OTUD7A: variants seen among roughly 807,000 people sequenced by gnomAD.
OTUD7A encodes the protein OTU domain-containing protein 7A.
OTUD7A carries 12 observed loss-of-function variants against 65.7 expected under a neutral mutation model. The observed-to-expected ratio is 0.18, with a 90% confidence interval of 0.12 to 0.30. The LOEUF is 0.30. Ranked by LOEUF, OTUD7A falls within the 10% of genes least tolerant of loss-of-function variation. The probability of loss-of-function intolerance (pLI) is 1.00; values close to 1 mark genes in which losing one functional copy is unlikely to be tolerated. For synonymous variants in OTUD7A, 641 were observed against 586.3 expected (o/e 1.09, Z -1.35); for missense variants, 1,148 against 1,304.8 (o/e 0.88, Z 1.85).
At chr15:31,506,787 T>A (rs562353643) in intron 8 of OTUD7A, among the ~76,000 whole-genome samples, 40 of 152,338 alleles carry the variant, frequency 2.6e-4, no homozygotes, top group Admixed American at 1.4e-3. Context: ...CAAGCTGGAT[T>A]GTCCTCAGGG....
intron 1 of OTUD7A, among the ~76,000 whole-genome samples, chr15:31,820,470 T>G (rs921682379): frequency 6.6e-6 from 1 of 152,238 alleles, no homozygotes; most frequent in East Asian, 1.9e-4. Flanking sequence ...CTGACATTGA[T>G]GCAATCGTTA....
At chr15:31,729,450 C>T (rs1236027492) in intron 1 of OTUD7A, among the ~76,000 whole-genome samples, 1 of 152,172 alleles carries the variant, frequency 6.6e-6, no homozygotes. Flanking sequence ...GTTATGGCCA[C>T]AGTCACATTA....
chr15:31,492,969 G>T (rs775436618), intron 10 of OTUD7A, among the ~76,000 whole-genome samples: 3 of 152,134 alleles, frequency 2.0e-5, no homozygotes, highest in Non-Finnish European at 4.4e-5. Context: ...ACTTTGGGAG[G>T]CTGAGATGGG....
intron 1 of OTUD7A, among the ~76,000 whole-genome samples, chr15:31,816,234 G>A (rs987159942): frequency 6.6e-6 from 1 of 152,148 alleles, no homozygotes; most frequent in Non-Finnish European, 1.5e-5. Context: ...GGGCCCACAG[G>A]TACACATGCA....
intron 1 of OTUD7A, among the ~76,000 whole-genome samples, chr15:31,683,912 T>C (rs1431268069): frequency 6.6e-6 from 1 of 152,188 alleles, no homozygotes; most frequent in African/African-American, 2.4e-5. Flanking sequence ...AGAAAGAAAC[T>C]GCATTCTTAA....
chr15:31,591,117 G>A (rs1398213671), intron 3 of OTUD7A, among the ~76,000 whole-genome samples: 3 of 152,082 alleles, frequency 2.0e-5, no homozygotes, highest in Non-Finnish European at 4.4e-5. Flanking sequence ...TCCCGGGAGA[G>A]GAAGAGGGAG....
rs551023943 is a variant in OTUD7A, at chr15:31,549,091, G to A, written c.550+9878C>T. 8.0e-5 allele frequency among the ~76,000 whole-genome samples: 12 copies of A among 149,190 alleles called. No homozygotes were observed. In the East Asian group the frequency reaches 1.6e-3, roughly 20 times the overall value. ...ACACAGGCTGGAGTGAGCTGACATC[G>A]TGCCACTGCACTCCAGCCTGGGAGA... On this transcript the variant is annotated intron_variant, in intron 5 of 12. Transcript: ENST00000307050.
chr15:31,638,557 T>G (rs1452206851), intron 3 of OTUD7A, among the ~76,000 whole-genome samples: 2 of 141,408 alleles, frequency 1.4e-5, no homozygotes, highest in Admixed American at 7.3e-5. Flanking sequence ...TTTTTGTAGG[T>G]TTTTGTTTTT....
In OTUD7A at chr15:31,667,036, T is replaced by C. The variant is rs1240688701; in HGVS notation, c.-99-9959A>G. ...TTTTCTTATATTTACTGAGGCTCAT[T>C]TTGAGGCCTATCATATGGTCTACCT... is the stretch of plus-strand genomic sequence containing the variant. On this transcript the variant is annotated intron_variant, in intron 1 of 12. Transcript: ENST00000307050. 3.3e-5 allele frequency among the ~76,000 whole-genome samples: 5 copies of C among 152,156 alleles called. No individual in the cohort carries two copies. In the East Asian group the frequency reaches 9.6e-4, roughly 29 times the overall value.
intron 1 of OTUD7A, among the ~76,000 whole-genome samples, chr15:31,719,796 C>T (rs2654034): frequency 6.6e-6 from 1 of 152,120 alleles, no homozygotes; most frequent in African/African-American, 2.4e-5. Flanking sequence ...TGATGTGATA[C>T]CCTGTTCCTC....
intron 12 of OTUD7A, among the ~76,000 whole-genome samples, chr15:31,486,712 C>T (rs1465953410): frequency 6.6e-6 from 1 of 152,200 alleles, no homozygotes; most frequent in Non-Finnish European, 1.5e-5. Flanking sequence ...AGGAAGGGGG[C>T]GCCGAGGAAT....
chr15:31,751,672 A>G (rs1313563183), intron 1 of OTUD7A, among the ~76,000 whole-genome samples: 1 of 152,240 alleles, frequency 6.6e-6, no homozygotes, highest in African/African-American at 2.4e-5. Context: ...CTAGATGCCC[A>G]TCAGTGATGG....
intron 1 of OTUD7A, among the ~76,000 whole-genome samples, chr15:31,763,022 C>T (rs1030416168): frequency 6.6e-6 from 1 of 152,154 alleles, no homozygotes; most frequent in Non-Finnish European, 1.5e-5. Flanking sequence ...GTGGCTCACG[C>T]CTGTAATCCC....
At chr15:31,814,015 A>C (rs768316611) in intron 1 of OTUD7A, among the ~76,000 whole-genome samples, 6 of 152,220 alleles carry the variant, frequency 3.9e-5, no homozygotes, top group Non-Finnish European at 8.8e-5. Flanking sequence ...TAAAAAAAGA[A>C]ACGGTGAGAG....
chr15:31,775,177 C>T (rs942434720), intron 1 of OTUD7A, among the ~76,000 whole-genome samples: 8 of 151,966 alleles, frequency 5.3e-5, no homozygotes, highest in South Asian at 2.1e-4. Context: ...ACTTTGACTA[C>T]GCTAATCATC....
chr15:31,584,366 C>T (rs1044145342), intron 3 of OTUD7A, among the ~76,000 whole-genome samples: 2 of 152,144 alleles, frequency 1.3e-5, no homozygotes, highest in Non-Finnish European at 1.5e-5. Context: ...TGGATGGGAT[C>T]CTGAGAACAC....
Position 31,532,890 on chromosome 15 carries a change from C to T in OTUD7A, c.551-2082G>A, listed in dbSNP as rs143058005. ...TGGAGCTTGTAGGGAGCCGAAATCG[C>T]GCCACTGCACTTAGGCCTGGGTGAA... On this transcript the variant is annotated intron_variant, in intron 5 of 12. Coordinates refer to ENST00000307050, the MANE Select transcript of OTUD7A (RefSeq NM_001382637.1). Among the ~76,000 whole-genome samples the T allele has an allele frequency of 3.3e-3, 490 of 147,160 alleles. 4 individuals are homozygous for T. Among genetic ancestry groups the T allele is most frequent in the African/African-American group, 0.012 (468 of 39,608 alleles).
chr15:31,777,320 T>A (rs1455606577), intron 1 of OTUD7A, among the ~76,000 whole-genome samples: 1 of 152,046 alleles, frequency 6.6e-6, no homozygotes, highest in Non-Finnish European at 1.5e-5. Context: ...ACCTTGGGGG[T>A]TAGGTTGAGA....
At chr15:31,520,491 A>C (rs1206616626) in intron 8 of OTUD7A, among the ~76,000 whole-genome samples, 1 of 152,230 alleles carries the variant, frequency 6.6e-6, no homozygotes, top group Non-Finnish European at 1.5e-5. Flanking sequence ...CCATATATAA[A>C]AATTAACTCA....
Sources: allele counts gnomAD v4.1 joint callset (sites outside exome capture counted in the v4.1 genomes callset), GRCh38; gene constraint gnomAD v4.1.1; transcripts MANE v1.5; gene names NCBI Gene and HGNC (gene_info 2026-07-23, HGNC 2026-07-21).